Variants in RBFOX1 observed in about 807,000 individuals in gnomAD.
RBFOX1 encodes RNA binding protein fox-1 homolog 1.
Under a neutral mutation model 57.7 loss-of-function variants are expected in RBFOX1, and 8 were observed. The ratio of observed to expected loss-of-function variants is 0.14; its 90% CI spans 0.08 to 0.25. RBFOX1 has a LOEUF of 0.25. Ranked by LOEUF, RBFOX1 falls within the 10% of genes least tolerant of loss-of-function variation. RBFOX1 has a pLI of 1.00. For missense variants in RBFOX1, 611 were observed against 548.5 expected (o/e 1.11, Z -1.14); for synonymous variants, 326 against 222.4 (o/e 1.47, Z -4.15).
chr16:5,360,602 A>G (rs2065520324), intron 1 of RBFOX1, among the ~76,000 whole-genome samples: 1 of 152,126 alleles, frequency 6.6e-6, no homozygotes, highest in Admixed American at 6.5e-5. Context: ...ACACTCCCTG[A>G]GTGAGGGGGT....
intron 2 of RBFOX1, among the ~76,000 whole-genome samples, chr16:6,526,636 C>G (rs1361330278): frequency 2.0e-5 from 3 of 151,796 alleles, no homozygotes; most frequent in Admixed American, 6.6e-5. Context: ...CAAGACCATC[C>G]TGGCTAACAT....
intron 4 of RBFOX1, among the ~76,000 whole-genome samples, chr16:7,390,117 G>T (rs1171439851): frequency 1.3e-5 from 2 of 151,972 alleles, no homozygotes; most frequent in Non-Finnish European, 2.9e-5. Context: ...AAGGGAGAGG[G>T]GCTACATACT....
intron 3 of RBFOX1, among the ~76,000 whole-genome samples, chr16:6,900,775 C>G (rs992893708): frequency 6.6e-6 from 1 of 152,172 alleles, no homozygotes; most frequent in Non-Finnish European, 1.5e-5. Context: ...AAGACCCTCT[C>G]CTCTTCCTTC....
intron 3 of RBFOX1, among the ~76,000 whole-genome samples, chr16:6,856,110 T>TTCCCTTTCCTTCCCTTCCCTTC (rs1367027369): frequency 6.6e-6 from 1 of 151,514 alleles, no homozygotes; most frequent in African/African-American, 2.4e-5. Flanking sequence ...CCCTTCCCTT[T>TTCCCTTTCCTTCCCTTCCCTTC]CTTCCCTTTC....
intron 2 of RBFOX1, among the ~76,000 whole-genome samples, chr16:6,345,012 A>G (rs921195296): frequency 2.0e-5 from 3 of 152,128 alleles, no homozygotes; most frequent in Non-Finnish European, 4.4e-5. Context: ...TTTGTAAAAC[A>G]AGAACAATAT....
intron 4 of RBFOX1, among the ~76,000 whole-genome samples, chr16:5,898,229 A>G (rs988150728): frequency 2.0e-5 from 3 of 152,112 alleles, no homozygotes; most frequent in Non-Finnish European, 4.4e-5. Flanking sequence ...AACTTCCCCC[A>G]TGATTAAATT....
chr16:6,442,912 A>G (rs772626375), intron 2 of RBFOX1, among the ~76,000 whole-genome samples: 4 of 152,200 alleles, frequency 2.6e-5, no homozygotes, highest in Non-Finnish European at 5.9e-5. Context: ...ATGCGAAAGT[A>G]ACCGCAATTA....
At chr16:6,026,241 T>G (rs751955683) in intron 1 of RBFOX1, among the ~76,000 whole-genome samples, 7 of 152,258 alleles carry the variant, frequency 4.6e-5, no homozygotes, top group Non-Finnish European at 7.3e-5. Flanking sequence ...CATACACCTG[T>G]TTGGACATCA....
intron 2 of RBFOX1, among the ~76,000 whole-genome samples, chr16:5,552,051 C>T (rs1197876592): frequency 6.6e-6 from 1 of 152,118 alleles, no homozygotes; most frequent in Non-Finnish European, 1.5e-5. Flanking sequence ...GTTTCCTCAT[C>T]TAAGGATATG....
intron 1 of RBFOX1, among the ~76,000 whole-genome samples, chr16:5,249,703 T>C (rs1232084076): frequency 1.3e-5 from 2 of 152,240 alleles, no homozygotes; most frequent in East Asian, 3.8e-4. Flanking sequence ...GTGTGGTGGC[T>C]CACACCTGTA....
At chr16:5,464,373 A>G (rs1184296911) in intron 1 of RBFOX1, among the ~76,000 whole-genome samples, 1 of 152,204 alleles carries the variant, frequency 6.6e-6, no homozygotes, top group African/African-American at 2.4e-5. Context: ...CATTCCTAGG[A>G]TAGGCATAGA....
chr16:5,659,517 A>G (rs187734408), intron 3 of RBFOX1, among the ~76,000 whole-genome samples: 20 of 152,132 alleles, frequency 1.3e-4, no homozygotes, highest in African/African-American at 4.6e-4. Context: ...GTTAGCCAGG[A>G]TGGCCTCAGT....
chr16:7,341,819 C>CTTCCTTCA (rs2096903055), intron 4 of RBFOX1, among the ~76,000 whole-genome samples: 1 of 127,546 alleles, frequency 7.8e-6, no homozygotes, highest in Non-Finnish European at 1.7e-5. Flanking sequence ...TCCTTCCTTC[C>CTTCCTTCA]TTCCTTCCTT....
intron 2 of RBFOX1, among the ~76,000 whole-genome samples, chr16:6,515,505 G>A (rs891863997): frequency 1.3e-5 from 2 of 152,140 alleles, no homozygotes; most frequent in East Asian, 1.9e-4. Context: ...ATACCCAAAT[G>A]GCCAGTTACA....
At chr16:6,403,833 T>C (rs551460262) in intron 2 of RBFOX1, among the ~76,000 whole-genome samples, 42 of 152,216 alleles carry the variant, frequency 2.8e-4, no homozygotes, top group African/African-American at 9.9e-4. Context: ...TATTTGAAGA[T>C]TGGGCTTTTA....
rs1253879661 is a variant in RBFOX1, at chr16:5,746,427, T to C, written c.319-120876T>C. 2.0e-5 allele frequency among the ~76,000 whole-genome samples: 3 copies of C among 152,228 alleles called. No homozygotes were observed. The South Asian group carries it at 6.2e-4, about 31-fold the overall frequency. On this transcript the variant is annotated intron_variant, in intron 3 of 19. Coordinates refer to the RBFOX1 transcript ENST00000641259. ...GGATTGTCTTGGCAATGCGGGCTCT[T>C]TTTTGGTTCCATATGAACTTTAAAG...
intron 4 of RBFOX1, among the ~76,000 whole-genome samples, chr16:7,218,638 GT>G (rs2092454863): frequency 1.6e-5 from 2 of 127,172 alleles, no homozygotes; most frequent in Admixed American, 1.6e-4. Flanking sequence ...CTGTGTGTGT[GT>G]GTGTGTGTGT....
intron 4 of RBFOX1, among the ~76,000 whole-genome samples, chr16:5,928,652 G>T (rs1338764022): frequency 6.6e-6 from 1 of 150,486 alleles, no homozygotes; most frequent in African/African-American, 2.5e-5. Flanking sequence ...CACCAGAGCC[G>T]ATGCTGACCA....
chr16:5,534,983 A>C (rs1291865625), intron 2 of RBFOX1, among the ~76,000 whole-genome samples: 3 of 152,210 alleles, frequency 2.0e-5, no homozygotes, highest in African/African-American at 7.2e-5. Flanking sequence ...GCTTACTGTG[A>C]GTCAGTTCTG....
Sources: gnomAD v4.1 joint callset for allele counts (sites outside exome capture counted in the v4.1 genomes callset) on GRCh38, gnomAD v4.1.1 for gene constraint, MANE v1.5 for transcripts, NCBI Gene and HGNC (gene_info 2026-07-23, HGNC 2026-07-21) for gene names.